Variants in SOAT1 observed in about 807,000 individuals in gnomAD.
SOAT1 encodes the protein sterol O-acyltransferase 1, also known as acyl-coenzyme A:cholesterol acyltransferase 1.
A neutral mutation model predicts 69.5 loss-of-function variants in SOAT1; 55 were observed. The observed-to-expected ratio is 0.79, with a 90% confidence interval of 0.64 to 0.99. SOAT1 has a LOEUF of 0.99. Among genes scored for constraint, SOAT1 ranks in the 50% least tolerant of loss-of-function variants. SOAT1 has a pLI of 0.00. For synonymous variants in SOAT1, 231 were observed against 224.7 expected (o/e 1.03, Z -0.25); for missense variants, 580 against 669.3 (o/e 0.87, Z 1.47).
rs768796926 is a variant in SOAT1, at chr1:179,348,855, C to T, written c.1227C>T (p.Asn409=). The T allele has an allele frequency of 4.4e-6, 7 of 1,596,916 alleles. No homozygotes were observed. In the Admixed American group the frequency reaches 8.4e-5, roughly 19 times the overall value. Residue 409 remains asparagine, a synonymous_variant, in exon 13 of 16, where the codon AAC becomes AAT. Coordinates refer to ENST00000367619, the MANE Select transcript of SOAT1 (RefSeq NM_003101.6). ...ACTTTTTCCCTCAGGATTGGTGGAA[C>T]TCCACGTCATACTCCAACTATTATA... ...GDRMFYKDWW[N]STSYSNYYRT...
intron 2 of SOAT1, among the ~76,000 whole-genome samples, chr1:179,310,056 T>A (rs1571411532): frequency 6.6e-6 from 1 of 152,108 alleles, no homozygotes. Flanking sequence ...TGTACCACCA[T>A]GTCCTGCTAA....
intron 3 of SOAT1, among the ~76,000 whole-genome samples, chr1:179,327,708 G>T (rs1665837747): frequency 6.6e-6 from 1 of 152,166 alleles, no homozygotes; most frequent in South Asian, 2.1e-4. Flanking sequence ...AAAGAACTCT[G>T]TGAAAAGTTA....
chr1:179,349,329 CT>C (rs10670085), intron 13 of SOAT1, among the ~76,000 whole-genome samples: 11,744 of 125,748 alleles, frequency 0.093, 594 homozygotes, highest in East Asian at 0.32. Context: ...TAGAGAAACA[CT>C]TTTTTTTTTT....
At chr1:179,315,343 A>G (rs1021241881) in intron 2 of SOAT1, among the ~76,000 whole-genome samples, 4 of 152,020 alleles carry the variant, frequency 2.6e-5, no homozygotes, top group African/African-American at 9.7e-5. Flanking sequence ...ATGTGCCTGT[A>G]GTCCTAGGTA....
At chr1:179,343,218 TATTA>T (rs942319654) in intron 9 of SOAT1, among the ~76,000 whole-genome samples, 59 of 152,028 alleles carry the variant, frequency 3.9e-4, no homozygotes, top group African/African-American at 1.4e-3. Context: ...ATTTATTTTT[TATTA>T]ATTAATTAAT....
At chr1:179,297,732 T>TC (rs1279378278) in intron 1 of SOAT1, among the ~76,000 whole-genome samples, 1 of 67,730 alleles carries the variant, frequency 1.5e-5, no homozygotes, top group Non-Finnish European at 2.6e-5. Flanking sequence ...TGACTCCGTC[T>TC]CAAAAAAAAA....
At chr1:179,348,335 T>G (rs1382502878) in intron 12 of SOAT1, among the ~76,000 whole-genome samples, 2 of 152,194 alleles carry the variant, frequency 1.3e-5, no homozygotes, top group Non-Finnish European at 2.9e-5. Flanking sequence ...TTCATTCATC[T>G]GATCTTAATA....
At chr1:179,306,830 CAA>C (rs11461908) in intron 2 of SOAT1, among the ~76,000 whole-genome samples, 4 of 96,654 alleles carry the variant, frequency 4.1e-5, no homozygotes, top group Non-Finnish European at 5.8e-5. Flanking sequence ...GACTCCATCT[CAA>C]AAAAAAAAAA....
rs777494982 is a variant in SOAT1 at position 179,342,892 on chromosome 1, A to G, written c.890A>G (p.Tyr297Cys). The G allele has an allele frequency of 1.9e-6, 3 of 1,613,684 alleles. No individual in the cohort carries two copies. The highest frequency in any genetic ancestry group is 2.7e-5 in the African/African-American group (2 of 74,918). The stretch of plus-strand genomic sequence containing the variant: ...GTTCCAATACCTACAGTCAACCAGT[A>G]TTTGTACTTCTTATTTGCTCCTACC... ...STVPIPTVNQ[Y>C]LYFLFAPTLI... The change falls in exon 9 of 16, where the codon TAT becomes TGT. Residue 297 changes from tyrosine to cysteine, a missense_variant. Coordinates refer to ENST00000367619, the MANE Select transcript of SOAT1 (RefSeq NM_003101.6).
At chr1:179,308,871 T>C (rs1665121865) in intron 2 of SOAT1, among the ~76,000 whole-genome samples, 1 of 152,184 alleles carries the variant, frequency 6.6e-6, no homozygotes, top group Non-Finnish European at 1.5e-5. Context: ...GTTTCTTCTA[T>C]ACTTTGTAAG....
intron 2 of SOAT1, among the ~76,000 whole-genome samples, chr1:179,309,155 C>A (rs1665132720): frequency 6.6e-6 from 1 of 152,182 alleles, no homozygotes; most frequent in African/African-American, 2.4e-5. Context: ...GCGATCTTGG[C>A]TCACTACAAC....
intron 12 of SOAT1, 140 bp from the exon 13 acceptor site, chr1:179,348,704 G>A (rs1303449276): frequency 1.6e-6 from 1 of 612,948 alleles, no homozygotes; most frequent in Non-Finnish European, 2.9e-6. Context: ...AGTATAATTT[G>A]ATTTTTCTGT....
intron 1 of SOAT1, among the ~76,000 whole-genome samples, chr1:179,295,003 G>A (rs569692987): frequency 7.9e-5 from 12 of 151,762 alleles, no homozygotes; most frequent in Non-Finnish European, 1.6e-4. Context: ...GGAAGTCTGT[G>A]CGTTGTCTGG....
intron 2 of SOAT1, among the ~76,000 whole-genome samples, chr1:179,307,390 T>C (rs2124942031): frequency 6.6e-6 from 1 of 152,286 alleles, no homozygotes; most frequent in Non-Finnish European, 1.5e-5. Context: ...TACTGTAGCA[T>C]TCTGGATGCT....
chr1:179,321,666 T>G (rs926860766), intron 2 of SOAT1, among the ~76,000 whole-genome samples: 1 of 152,216 alleles, frequency 6.6e-6, no homozygotes, highest in African/African-American at 2.4e-5. Context: ...TAACCTATTA[T>G]TCTCTGTCAC....
chr1:179,329,409 A>G (rs532302991), intron 3 of SOAT1, among the ~76,000 whole-genome samples: 7 of 152,280 alleles, frequency 4.6e-5, no homozygotes, highest in African/African-American at 1.7e-4. Flanking sequence ...ATGTTTTTTC[A>G]GTCATTCAAG....
intron 2 of SOAT1, among the ~76,000 whole-genome samples, chr1:179,312,542 C>A (rs550692917): frequency 6.6e-6 from 1 of 152,296 alleles, no homozygotes; most frequent in East Asian, 1.9e-4. Context: ...GGCTATCTAC[C>A]TTTTGCCTCT....
intron 5 of SOAT1, among the ~76,000 whole-genome samples, 161 bp from the exon 6 acceptor site, chr1:179,339,277 A>T (rs1666253267): frequency 6.6e-6 from 1 of 152,166 alleles, no homozygotes; most frequent in Non-Finnish European, 1.5e-5. Context: ...CATTTCTGGT[A>T]GGTTTTAAAG....
chr1:179,358,375 A>G lies in SOAT1; in HGVS notation c.*4734A>G, dbSNP rs1666975468. 6.6e-6 allele frequency: 1 copy of G among 152,180 alleles called. No individual in the cohort carries two copies. Among genetic ancestry groups the G allele is most frequent in the African/African-American group, 2.4e-5 (1 of 41,442 alleles). The allele number at this position is 152,180 out of a possible 1,614,324, so 9.4% of individuals were successfully genotyped here. ...ACTTTAAGCTAGTAGATACTGCACC[A>G]TGTCTTGTGGTGGTGTTTTCTTAAT... On this transcript the variant is annotated 3_prime_UTR_variant, in exon 16 of 16. Transcript: ENST00000367619.
Sources: gnomAD v4.1 joint callset for allele counts (sites outside exome capture counted in the v4.1 genomes callset) on GRCh38, gnomAD v4.1.1 for gene constraint, MANE v1.5 for transcripts, NCBI Gene and HGNC (gene_info 2026-07-23, HGNC 2026-07-21) for gene names.